DOK5: variants seen among roughly 807,000 people sequenced by gnomAD.
The protein encoded by DOK5 is docking protein 5, also known as downstream of tyrosine kinase 5.
In DOK5, 27 loss-of-function variants were observed where a neutral mutation model predicts 43.3. The ratio of observed to expected loss-of-function variants is 0.62; its 90% confidence interval spans 0.46 to 0.86. DOK5 has a LOEUF of 0.86. Among genes scored for constraint, DOK5 ranks in the 40% least tolerant of loss-of-function variants. The pLI, the probability that DOK5 is intolerant of heterozygous loss-of-function variation, is 0.00. For missense variants in DOK5, 373 were observed against 392.9 expected (o/e 0.95, Z 0.43); for synonymous variants, 146 against 140.1 (o/e 1.04, Z -0.30).
intron 2 of DOK5, among the ~76,000 whole-genome samples, chr20:54,586,081 C>T (rs1476173482): frequency 2.0e-5 from 3 of 152,190 alleles, no homozygotes; most frequent in African/African-American, 7.2e-5. Context: ...CTGAGATCAG[C>T]GTGGGCAACA....
intron 6 of DOK5, among the ~76,000 whole-genome samples, chr20:54,624,303 A>G (rs987664802): frequency 6.6e-6 from 1 of 152,166 alleles, no homozygotes; most frequent in African/African-American, 2.4e-5. Flanking sequence ...CTAGTGTTTA[A>G]AGGGACAATC....
chr20:54,547,857 A>T (rs1984399077), intron 1 of DOK5, among the ~76,000 whole-genome samples: 1 of 152,216 alleles, frequency 6.6e-6, no homozygotes, highest in Non-Finnish European at 1.5e-5. Context: ...GACTTGTTCA[A>T]ATCAGGGGCT....
At chr20:54,542,585 C>T (rs1450487564) in intron 1 of DOK5, among the ~76,000 whole-genome samples, 3 of 152,162 alleles carry the variant, frequency 2.0e-5, no homozygotes, top group Non-Finnish European at 1.5e-5. Context: ...GGCAAGAATG[C>T]TCTGAGCTGT....
intron 1 of DOK5, among the ~76,000 whole-genome samples, chr20:54,544,762 C>A (rs753504034): frequency 1.3e-5 from 2 of 151,858 alleles, no homozygotes; most frequent in African/African-American, 2.4e-5. Flanking sequence ...TGGGTGGGGG[C>A]CACAGGATCA....
chr20:54,517,158 G>C (rs750573059), intron 1 of DOK5, among the ~76,000 whole-genome samples: 1 of 152,116 alleles, frequency 6.6e-6, no homozygotes, highest in South Asian at 2.1e-4. Flanking sequence ...GCAGTGTCAT[G>C]CCCCTGAGTT....
At chr20:54,513,257 A>G (rs1313823519) in intron 1 of DOK5, among the ~76,000 whole-genome samples, 2 of 152,090 alleles carry the variant, frequency 1.3e-5, no homozygotes, top group Admixed American at 6.5e-5. Context: ...GCTGAATGCA[A>G]TTCCTAATTA....
intron 1 of DOK5, among the ~76,000 whole-genome samples, chr20:54,527,730 C>T (rs1442787064): frequency 6.6e-6 from 1 of 152,146 alleles, no homozygotes; most frequent in Non-Finnish European, 1.5e-5. Context: ...CAGTTTGTGT[C>T]CACCAGTAAG....
At chr20:54,623,446 G>A (rs1983110023) in intron 6 of DOK5, among the ~76,000 whole-genome samples, 1 of 152,238 alleles carries the variant, frequency 6.6e-6, no homozygotes, top group East Asian at 1.9e-4. Flanking sequence ...CACATCATAT[G>A]TAATAAGTGG....
chr20:54,633,708 C>T (rs1439734677), intron 6 of DOK5, among the ~76,000 whole-genome samples: 1 of 152,140 alleles, frequency 6.6e-6, no homozygotes, highest in African/African-American at 2.4e-5. Flanking sequence ...GCAAAGACCC[C>T]ACTTGAGTTA....
chr20:54,645,811 G>T (rs1183847231), intron 7 of DOK5, among the ~76,000 whole-genome samples: 1 of 151,822 alleles, frequency 6.6e-6, no homozygotes, highest in Non-Finnish European at 1.5e-5. Context: ...CCTTCCATCA[G>T]GATTTGTCGA....
chr20:54,647,606 T>C (rs1233984449), intron 7 of DOK5, among the ~76,000 whole-genome samples: 1 of 152,104 alleles, frequency 6.6e-6, no homozygotes, highest in Non-Finnish European at 1.5e-5. Context: ...TAGGAATGCA[T>C]TGGATAAAAT....
chr20:54,575,680 A>T (rs1286140076), intron 2 of DOK5, among the ~76,000 whole-genome samples: 1 of 152,204 alleles, frequency 6.6e-6, no homozygotes, highest in African/African-American at 2.4e-5. Context: ...ACCTCAAATG[A>T]TCCACCCACC....
At chr20:54,612,702 G>A (rs1435234592) in intron 6 of DOK5, among the ~76,000 whole-genome samples, 1 of 152,104 alleles carries the variant, frequency 6.6e-6, no homozygotes, top group Non-Finnish European at 1.5e-5. Flanking sequence ...GCATATCTTG[G>A]TGTATATATC....
chr20:54,613,858 G>T (rs2146797004), intron 6 of DOK5, among the ~76,000 whole-genome samples: 1 of 152,136 alleles, frequency 6.6e-6, no homozygotes, highest in South Asian at 2.1e-4. Flanking sequence ...GTTAGGTACA[G>T]TGGCTTGTGC....
chr20:54,493,679 G>A (rs1982283142), intron 1 of DOK5, among the ~76,000 whole-genome samples: 1 of 152,314 alleles, frequency 6.6e-6, no homozygotes, highest in South Asian at 2.1e-4. Context: ...GCTCAGTCCT[G>A]TAATCCCAGC....
intron 6 of DOK5, among the ~76,000 whole-genome samples, chr20:54,629,483 A>G (rs1978465880): frequency 6.6e-6 from 1 of 152,228 alleles, no homozygotes; most frequent in Admixed American, 6.5e-5. Context: ...CATTCTCTGA[A>G]GCACTTTACC....
intron 1 of DOK5, among the ~76,000 whole-genome samples, chr20:54,516,882 C>A (rs958685495): frequency 2.0e-5 from 3 of 152,180 alleles, no homozygotes; most frequent in African/African-American, 7.2e-5. Context: ...ATTTATTCTG[C>A]AACACTGAAT....
At chr20:54,555,683 A>C (rs1984687980) in intron 2 of DOK5, 1 of 152,154 alleles carries the variant, frequency 6.6e-6, no homozygotes, top group African/African-American at 2.4e-5. Context: ...TTTCATGAAA[A>C]CGTGTGAAAG....
intron 6 of DOK5, among the ~76,000 whole-genome samples, chr20:54,623,748 T>G (rs1298050187): frequency 6.6e-6 from 1 of 151,820 alleles, no homozygotes; most frequent in Non-Finnish European, 1.5e-5. Flanking sequence ...CCTGGCTAAT[T>G]TTTTGTATTT....
Sources: gnomAD v4.1 joint callset for allele counts (sites outside exome capture counted in the v4.1 genomes callset) on GRCh38, gnomAD v4.1.1 for gene constraint, MANE v1.5 for transcripts, NCBI Gene and HGNC (gene_info 2026-07-23, HGNC 2026-07-21) for gene names.